EPG5: variants seen among roughly 807,000 people sequenced by gnomAD.
EPG5 encodes ectopic P-granules 5 autophagy tethering factor, also known as ectopic P granules protein 5 homolog.
In EPG5, 159 loss-of-function variants were observed where a neutral mutation model predicts 302.7. The observed-to-expected ratio is 0.53, with a 90% CI of 0.46 to 0.60. The LOEUF (loss-of-function observed/expected upper bound fraction) is 0.60, where lower values mean the gene tolerates loss of function less well. EPG5 is among the 20% of genes least tolerant of loss of function. The pLI is 0.00. For synonymous variants in EPG5, 1,158 were observed against 1,136.8 expected, an observed-to-expected ratio of 1.02 and a Z score of -0.37; for missense variants, 2,896 against 3,092.4, an observed-to-expected ratio of 0.94 and a Z score of 1.51.
chr18:45,952,294 T>C (rs1272489168), intron 3 of EPG5, 106 bp downstream of exon 3: 2 of 1,364,970 alleles, frequency 1.5e-6, no homozygotes, highest in Admixed American at 2.1e-5. Flanking sequence ...CAAGCACAAA[T>C]GGTACCTTGT....
At chr18:45,946,809 G>C in intron 6 of EPG5, 41 bp from the exon 7 acceptor site, 1 of 1,475,968 alleles carries the variant, frequency 6.8e-7, no homozygotes, top group Non-Finnish European at 9.5e-7. Flanking sequence ...TTAGATGTAG[G>C]CTACGTGAGT....
chr18:45,888,889 AT>A (rs1372227877), intron 28 of EPG5, among the ~76,000 whole-genome samples: 2 of 152,158 alleles, frequency 1.3e-5, no homozygotes, highest in Non-Finnish European at 2.9e-5. Flanking sequence ...TCTTTATATA[AT>A]TTTTTTAAAC....
intron 41 of EPG5, among the ~76,000 whole-genome samples, chr18:45,858,321 T>C (rs2048560126): frequency 6.6e-6 from 1 of 152,170 alleles, no homozygotes; most frequent in African/African-American, 2.4e-5. Context: ...GGGATTACTA[T>C]CTCCACTTAA....
chr18:45,911,730 C>A (rs1259909477), intron 22 of EPG5, among the ~76,000 whole-genome samples: 1 of 152,176 alleles, frequency 6.6e-6, no homozygotes, highest in Non-Finnish European at 1.5e-5. Flanking sequence ...AGCCACCATG[C>A]CCAGCCAGTA....
chr18:45,848,350 CTTG>C lies in EPG5; in HGVS notation c.*4114_*4116del, dbSNP rs1312178378. On this transcript the variant is annotated 3_prime_UTR_variant, in exon 44 of 44. Transcript: ENST00000282041. Reference sequence around the variant, plus strand: ...TAGTAGAGGATTAAGGGCAAAGTGCCTTGTTGTTAGGCCTGTCATGAAGATGTG... The same window carrying C: ...TAGTAGAGGATTAAGGGCAAAGTGCCTTGTTAGGCCTGTCATGAAGATGTG... The C allele has an allele frequency of 6.6e-6, 1 of 152,180 alleles. No individual in the cohort carries two copies. Among genetic ancestry groups the C allele is most frequent in the Non-Finnish European group, 1.5e-5 (1 of 68,036 alleles). 9.4% of individuals were successfully genotyped at this position (152,180 alleles called of 1,614,324 possible).
the EPG5 span, among the ~76,000 whole-genome samples, chr18:45,828,533 A>G: frequency 6.6e-6 from 1 of 152,188 alleles, no homozygotes; most frequent in East Asian, 1.9e-4. Context: ...CAAGCCTGTG[A>G]TAGGCAGATA....
In EPG5 at chr18:45,930,712, T is replaced by G; in HGVS notation, c.2376A>C (p.Glu792Asp). ...MAQARRTNVD[E>D]DFIKIIVLEI... Reference sequence around the variant, plus strand: ...CCAGAACAATAATTTTTATGAAGTCTTCGTCCACATTGGTTCTTCTGGCCT... The same window carrying G: ...CCAGAACAATAATTTTTATGAAGTCGTCGTCCACATTGGTTCTTCTGGCCT... Residue 792 changes from glutamate (E) to aspartate (D), a missense_variant, in exon 12 of 44, where the codon GAA (glutamate) becomes GAC (aspartate). Transcript: ENST00000282041. The G allele has an allele frequency of 6.2e-7, 1 of 1,604,768 alleles. No homozygotes were observed. The highest frequency in any genetic ancestry group is 8.5e-7 in the Non-Finnish European group (1 of 1,177,092).
intron 24 of EPG5, among the ~76,000 whole-genome samples, chr18:45,904,376 C>T (rs1021289926): frequency 6.6e-6 from 1 of 152,036 alleles, no homozygotes; most frequent in South Asian, 2.1e-4. Flanking sequence ...TATATACATA[C>T]ACTATAAAGC....
chr18:45,965,925 T>C (rs1044362395), intron 1 of EPG5, among the ~76,000 whole-genome samples: 3 of 151,448 alleles, frequency 2.0e-5, no homozygotes, highest in Non-Finnish European at 2.9e-5. Flanking sequence ...TGGTGGCGCA[T>C]GCCTGTAATC....
At chr18:45,888,827 A>C (rs918985166) in intron 28 of EPG5, among the ~76,000 whole-genome samples, 1 of 152,192 alleles carries the variant, frequency 6.6e-6, no homozygotes, top group African/African-American at 2.4e-5. Flanking sequence ...TCCTTATTAA[A>C]AATGTTCATA....
chr18:45,950,657 A>G (rs1257358551), intron 4 of EPG5, among the ~76,000 whole-genome samples: 2 of 152,228 alleles, frequency 1.3e-5, no homozygotes, highest in African/African-American at 4.8e-5. Flanking sequence ...CACAATATTC[A>G]TTTGTAATTC....
At chr18:45,817,776 A>G in the EPG5 span, among the ~76,000 whole-genome samples, 1 of 152,204 alleles carries the variant, frequency 6.6e-6, no homozygotes, top group African/African-American at 2.4e-5. Flanking sequence ...AGCCACATTG[A>G]CGTTTATGAT....
the EPG5 span, chr18:45,837,763 C>T: frequency 1.3e-6 from 2 of 1,521,102 alleles, no homozygotes; most frequent in Non-Finnish European, 1.7e-6. Context: ...GCAACCCGCG[C>T]CGCAACGACC....
chr18:45,961,565 A>G (rs2051150270), intron 1 of EPG5, among the ~76,000 whole-genome samples: 1 of 152,158 alleles, frequency 6.6e-6, no homozygotes, highest in African/African-American at 2.4e-5. Flanking sequence ...GTCACCCTCA[A>G]TAAGAACTAG....
chr18:45,884,888 G>T, intron 29 of EPG5, 77 bp from the exon 30 acceptor site: 2 of 1,021,296 alleles, frequency 2.0e-6, no homozygotes, highest in Non-Finnish European at 2.7e-6. Flanking sequence ...ATTTTTAAGG[G>T]GCACCAAATA....
downstream of EPG5, among the ~76,000 whole-genome samples, chr18:45,844,356 G>C (rs1209978920): frequency 6.6e-6 from 1 of 152,142 alleles, no homozygotes; most frequent in Non-Finnish European, 1.5e-5. Flanking sequence ...GCTAGCACAA[G>C]AGGGCGACTA....
the EPG5 span, among the ~76,000 whole-genome samples, chr18:45,829,683 C>G: frequency 1.3e-5 from 2 of 152,182 alleles, no homozygotes; most frequent in Non-Finnish European, 2.9e-5. Flanking sequence ...AGGGTAGCCC[C>G]TCCCAGATTG....
At chr18:45,818,551 A>G in the EPG5 span, among the ~76,000 whole-genome samples, 1 of 152,102 alleles carries the variant, frequency 6.6e-6, no homozygotes, top group African/African-American at 2.4e-5. Context: ...TTGAATTTGC[A>G]ATTCTTTAGT....
At chr18:45,892,396 G>C (rs1362634183) in intron 27 of EPG5, among the ~76,000 whole-genome samples, 1 of 152,200 alleles carries the variant, frequency 6.6e-6, no homozygotes, top group African/African-American at 2.4e-5. Context: ...CTCCACTTGA[G>C]TCATTTTAAG....
Sources: allele counts gnomAD v4.1 joint callset (sites outside exome capture counted in the v4.1 genomes callset), GRCh38; gene constraint gnomAD v4.1.1; transcripts MANE v1.5; gene names NCBI Gene and HGNC (gene_info 2026-07-23, HGNC 2026-07-21).